The following OLFML2A variants were observed in gnomAD, a reference collection of about 807,000 sequenced individuals.
OLFML2A encodes the protein olfactomedin like 2A, also known as olfactomedin-like protein 2A.
Under a neutral mutation model 60.9 loss-of-function variants are expected in OLFML2A, and 47 were observed. That is an observed-to-expected ratio of 0.77 (90% confidence interval 0.61 to 0.98). OLFML2A has a LOEUF of 0.98. Among genes scored for constraint, OLFML2A ranks in the 50% least tolerant of loss-of-function variants. The pLI is 0.00. For missense variants in OLFML2A, 922 were observed against 879.8 expected (o/e 1.05, Z -0.61); for synonymous variants, 372 against 375.0 (o/e 0.99, Z 0.09).
At position 124,779,511 on chromosome 9, in the gene OLFML2A, T is replaced by C. The variant is rs974546400; in HGVS notation, c.90+2151T>C. 2.7e-5 allele frequency among the ~76,000 whole-genome samples: 4 copies of C among 149,644 alleles called. No individual in the cohort carries two copies. Among genetic ancestry groups the C allele is most frequent in the Admixed American group, 6.7e-5 (1 of 14,976 alleles). ...CCCAACACCCTGTTTGTGTAGTGAG[T>C]CAGCCAAACACTTGCTAGGTTGTGT... On this transcript the variant is annotated intron_variant, in intron 1 of 7. Coordinates refer to ENST00000373580, the MANE Select transcript of OLFML2A (RefSeq NM_182487.4). The surrounding 1 kb of genome is among the most constrained non-coding windows in gnomAD (Gnocchi z 4.1).
rs73669209 is a variant in OLFML2A, at chr9:124,810,421, C to T, written c.*9C>T. ...TCCACTTCGTGGTCTGAGTGGAGAC[C>T]TGTGCTCCCCGGAGAGGGGCAGCAG... On this transcript the variant is annotated 3_prime_UTR_variant, in exon 8 of 8. Coordinates refer to ENST00000373580, the MANE Select transcript of OLFML2A (RefSeq NM_182487.4). The T allele has an allele frequency of 6.3e-7, 1 of 1,585,730 alleles. No homozygotes were observed. Among genetic ancestry groups the T allele is most frequent in the Non-Finnish European group, 8.5e-7 (1 of 1,170,276 alleles).
intron 1 of OLFML2A, among the ~76,000 whole-genome samples, chr9:124,783,978 C>G (rs79319810): frequency 2.6e-5 from 4 of 152,032 alleles, no homozygotes; most frequent in Admixed American, 2.6e-4. Context: ...CTAAGTGATA[C>G]AAGGAAGTAA....
At chr9:124,805,287 A>G (rs1297648709) in intron 6 of OLFML2A, among the ~76,000 whole-genome samples, 2 of 152,134 alleles carry the variant, frequency 1.3e-5, no homozygotes, top group Non-Finnish European at 2.9e-5. Context: ...TGAAGGATCT[A>G]CCAGCAATGG....
rs750739205 is a variant in OLFML2A, at chr9:124,809,772, C to T, written c.1355-36C>T. On this transcript the variant is annotated intron_variant, in intron 7 of 7. Coordinates refer to ENST00000373580, the MANE Select transcript of OLFML2A (RefSeq NM_182487.4). ...GGGATGTGGGTGGGCTGGGGTTGCT[C>T]GGGAGGTCTGGGGTGACCATCGCCC... 6 of 1,556,166 alleles carry T rather than the reference C, an allele frequency of 3.9e-6. No homozygotes were observed. In the African/African-American group the frequency reaches 5.4e-5, roughly 14 times the overall value.
chr9:124,803,784 T>G (rs1210593617), intron 5 of OLFML2A, among the ~76,000 whole-genome samples: 1 of 152,236 alleles, frequency 6.6e-6, no homozygotes, highest in African/African-American at 2.4e-5. Context: ...CAAATGTTTA[T>G]GTACATTTTT....
chr9:124,802,648 G>C (rs1281992346), intron 5 of OLFML2A, among the ~76,000 whole-genome samples: 1 of 152,226 alleles, frequency 6.6e-6, no homozygotes. Flanking sequence ...GTGGGAACAG[G>C]CACCCTGCCC....
In OLFML2A at chr9:124,811,245, G is replaced by A. The variant is rs1053508813; in HGVS notation, c.*833G>A. The A allele has an allele frequency of 3.3e-5, 5 of 152,698 alleles. No individual in the cohort carries two copies. The highest frequency in any genetic ancestry group is 7.3e-5 in the Non-Finnish European group (5 of 68,062). 9.5% of individuals were successfully genotyped at this position (152,698 alleles called of 1,614,324 possible). On this transcript the variant is annotated 3_prime_UTR_variant, in exon 8 of 8. Transcript: ENST00000373580. ...GAAGGCAGCCGGCAGCTCTGCCAGG[G>A]TGGGGAGCTGAGCTGAGGCTCCCTC...
chr9:124,800,279 A>C lies in OLFML2A; in HGVS notation c.669+788A>C, dbSNP rs575571159. On this transcript the variant is annotated intron_variant, in intron 4 of 7. Transcript: ENST00000373580. ...CTCTGGCCAGTCACCCTTGGGCAAGACACAAGCCACACCATTGTTCACACT... is the reference window on the plus strand; with the variant it reads ...CTCTGGCCAGTCACCCTTGGGCAAGCCACAAGCCACACCATTGTTCACACT... Among the ~76,000 whole-genome samples, 17 of 152,342 alleles carry C rather than the reference A, an allele frequency of 1.1e-4. No individual in the cohort carries two copies. The South Asian group carries it at 3.3e-3, about 30-fold the overall frequency.
chr9:124,805,986 T>G (rs1426668860), intron 6 of OLFML2A, among the ~76,000 whole-genome samples: 1 of 151,748 alleles, frequency 6.6e-6, no homozygotes, highest in Non-Finnish European at 1.5e-5. Context: ...TGGCTAATTT[T>G]TCTAGTTTTA....
At position 124,810,342 on chromosome 9, in the gene OLFML2A, C is replaced by A. The variant is rs1296168227; in HGVS notation, c.1889C>A (p.Pro630His). 9 of 1,604,862 alleles carry A rather than the reference C, an allele frequency of 5.6e-6. No homozygotes were observed. Among genetic ancestry groups the A allele is most frequent in the Non-Finnish European group, 7.6e-6 (9 of 1,179,954 alleles). ...HAYTTQIDYN[P>H]KERVLYAWDN... is the part of the protein sequence containing the mutation. ...TACACCACCCAGATCGACTACAACC[C>A]CAAGGAGCGGGTGCTGTACGCCTGG... The change falls in exon 8 of 8, where the codon CCC becomes CAC. Residue 630 changes from proline to histidine, a missense_variant. Coordinates refer to ENST00000373580, the MANE Select transcript of OLFML2A (RefSeq NM_182487.4).
At chr9:124,794,464 GC>G (rs1841626191) in intron 2 of OLFML2A, among the ~76,000 whole-genome samples, 1 of 152,156 alleles carries the variant, frequency 6.6e-6, no homozygotes, top group South Asian at 2.1e-4. Context: ...ACTCCTTAAA[GC>G]CCCTAGCACA....
chr9:124,800,966 G>T, intron 4 of OLFML2A: 5 of 1,546,380 alleles, frequency 3.2e-6, no homozygotes, highest in Non-Finnish European at 4.4e-6. Flanking sequence ...CTAAAACTAG[G>T]AATGTTCCAG....
chr9:124,807,896 G>T lies in OLFML2A; in HGVS notation c.1284G>T (p.Arg428Ser). 1 of 1,614,206 alleles carries T rather than the reference G, an allele frequency of 6.2e-7. No homozygotes were observed. Residue 428 changes from arginine to serine, a missense_variant, in exon 7 of 8, where the codon AGG becomes AGT. Arg to Ser is a moderately radical substitution (Grantham distance 110). Coordinates refer to ENST00000373580, the MANE Select transcript of OLFML2A (RefSeq NM_182487.4). ...WMKDPAARDD[R>S]IYVTNYYYGN... The stretch of plus-strand genomic sequence containing the variant: ...AGGACCCTGCAGCTCGAGACGACAG[G>T]ATCTATGTCACCAACTACTACTATG...
At chr9:124,808,486 G>C (rs142644373) in intron 7 of OLFML2A, among the ~76,000 whole-genome samples, 1 of 152,318 alleles carries the variant, frequency 6.6e-6, no homozygotes, top group Non-Finnish European at 1.5e-5. Flanking sequence ...ATGCCAGGAA[G>C]GGGTCATTTA....
Position 124,795,078 on chromosome 9 carries a change from A to C in OLFML2A, c.409A>C (p.Lys137Gln). Reference protein sequence around the residue: ...EGTLYSMDLMKVHAYVHKVAS... With the variant: ...EGTLYSMDLMQVHAYVHKVAS... ...CACCCTGTACAGCATGGACTTGATG[A>C]AGGTGCACGCCTACGTCCACAAGGT... The change falls in exon 3 of 8, where the codon AAG becomes CAG. Residue 137 changes from lysine to glutamine, a missense_variant. Lys to Gln is a moderately conservative substitution (Grantham distance 53). Transcript: ENST00000373580. The C allele has an allele frequency of 6.2e-7, 1 of 1,609,788 alleles. No homozygotes were observed.
chr9:124,795,184 G>C, intron 3 of OLFML2A, 53 bp downstream of exon 3: 1 of 1,169,092 alleles, frequency 8.6e-7, no homozygotes, highest in Non-Finnish European at 1.2e-6. Context: ...TGGGGGCCAA[G>C]GGCACTGTCC....
chr9:124,793,757 G>C (rs1372964284), intron 2 of OLFML2A, among the ~76,000 whole-genome samples: 1 of 152,146 alleles, frequency 6.6e-6, no homozygotes, highest in Non-Finnish European at 1.5e-5. Context: ...TGGGCGTGGT[G>C]GCTCATCCCT....
At chr9:124,797,026 C>T (rs1041458491) in intron 3 of OLFML2A, among the ~76,000 whole-genome samples, 2 of 152,128 alleles carry the variant, frequency 1.3e-5, no homozygotes, top group Non-Finnish European at 2.9e-5. Flanking sequence ...TTTTTTGAGA[C>T]AGGGTCTCAC....
Position 124,810,053 on chromosome 9 carries a change from T to C in OLFML2A, c.1600T>C (p.Tyr534His). The stretch of plus-strand genomic sequence containing the variant: ...GGACGAGAGCGGCCTGTGGGTCATC[T>C]ACCCCGCCGTGGACGACCGCGATGA... ...AVDESGLWVI[Y>H]PAVDDRDEAQ... Residue 534 changes from tyrosine (Y) to histidine (H), a missense_variant, in exon 8 of 8, where the codon TAC becomes CAC. Coordinates refer to ENST00000373580, the MANE Select transcript of OLFML2A (RefSeq NM_182487.4). 1 of 1,613,846 alleles carries C rather than the reference T, an allele frequency of 6.2e-7. No homozygotes were observed.
Sources: gnomAD v4.1 joint callset for allele counts (sites outside exome capture counted in the v4.1 genomes callset) on GRCh38, gnomAD v4.1.1 for gene constraint, Gnocchi (gnomAD v3.1) non-coding constraint, MANE v1.5 for transcripts, NCBI Gene and HGNC (gene_info 2026-07-23, HGNC 2026-07-21) for gene names.